The following GLDC variants were observed in gnomAD, a reference collection of about 807,000 sequenced individuals.
GLDC encodes glycine dehydrogenase (decarboxylating), mitochondrial.
GLDC carries 104 observed loss-of-function variants against 121.3 expected under a neutral mutation model. The ratio of observed to expected loss-of-function variants is 0.86; its 90% CI spans 0.73 to 1.01. The LOEUF (loss-of-function observed/expected upper bound fraction) is 1.01, where lower values mean the gene tolerates loss of function less well. GLDC is among the 50% of genes least tolerant of loss of function. The probability of loss-of-function intolerance (pLI) is 0.00; values close to 1 mark genes in which losing one functional copy is unlikely to be tolerated. For missense variants in GLDC, 1,429 were observed against 1,306.6 expected (o/e 1.09, Z -1.44); for synonymous variants, 546 against 480.6 (o/e 1.14, Z -1.78).
At chr9:6,557,255 A>G (rs1401254791) in intron 17 of GLDC, among the ~76,000 whole-genome samples, 1 of 152,242 alleles carries the variant, frequency 6.6e-6, no homozygotes, top group African/African-American at 2.4e-5. Context: ...GTATAGAAAC[A>G]TCACTATATA....
rs1487048876 is a variant in GLDC at position 6,540,011 on chromosome 9, G to A, written c.2665+40C>T. ...TTTGTGCTTTAGGAAGTGGTCCACA[G>A]CCAGCATGGGCGGCGGCATGAATGT... is the stretch of plus-strand genomic sequence containing the variant. On this transcript the variant is annotated intron_variant, in intron 22 of 24. Transcript: ENST00000321612. The A allele has an allele frequency of 3.9e-6, 5 of 1,273,272 alleles. No homozygotes were observed. In the Admixed American group the frequency reaches 5.0e-5, roughly 13 times the overall value. 78.9% of individuals were successfully genotyped at this position (1,273,272 alleles called of 1,614,324 possible).
chr9:6,567,250 G>A (rs1052172017), intron 15 of GLDC: 58 of 152,316 alleles, frequency 3.8e-4, no homozygotes, highest in African/African-American at 1.4e-3. Flanking sequence ...CTTCCAAGAA[G>A]AAAGGCAAAG....
At chr9:6,577,954 A>T (rs990138073) in intron 15 of GLDC, among the ~76,000 whole-genome samples, 1 of 151,858 alleles carries the variant, frequency 6.6e-6, no homozygotes, top group South Asian at 2.1e-4. Flanking sequence ...AAACAGGGTC[A>T]ACCAGGCTGG....
intron 15 of GLDC, among the ~76,000 whole-genome samples, chr9:6,570,230 T>C (rs1262649436): frequency 2.0e-5 from 3 of 152,210 alleles, no homozygotes; most frequent in Non-Finnish European, 4.4e-5. Context: ...AGTATTTGTG[T>C]TCTCAAATAG....
chr9:6,541,072 A>AT (rs1193012544), intron 21 of GLDC: 2 of 152,198 alleles, frequency 1.3e-5, no homozygotes, highest in African/African-American at 4.8e-5. Flanking sequence ...AGCCTGGGTA[A>AT]TAGGGGCAAG....
At position 6,565,336 on chromosome 9, in the gene GLDC, A is replaced by G; in HGVS notation, c.1926+18T>C. 1.3e-6 allele frequency: 2 copies of G among 1,591,982 alleles called. No homozygotes were observed. The highest frequency in any genetic ancestry group is 1.7e-6 in the Non-Finnish European group (2 of 1,160,022). ...CTGTGCCCCATGGTGAGCAAGCGCC[A>G]CCTCCTGCCATACTCACCGTTCTGT... On this transcript the variant is annotated intron_variant, in intron 16 of 24. Coordinates refer to ENST00000321612, the MANE Select transcript of GLDC (RefSeq NM_000170.3).
intron 2 of GLDC, among the ~76,000 whole-genome samples, chr9:6,629,065 T>C (rs1304228516): frequency 6.6e-6 from 1 of 151,832 alleles, no homozygotes; most frequent in Non-Finnish European, 1.5e-5. Flanking sequence ...TCTCAGAATT[T>C]AGAATGAATG....
At chr9:6,643,877 T>C (rs1819678559) in intron 2 of GLDC, among the ~76,000 whole-genome samples, 1 of 150,350 alleles carries the variant, frequency 6.7e-6, no homozygotes, top group African/African-American at 2.4e-5. Flanking sequence ...CTAATAAAAA[T>C]ATAAAAATGA....
At chr9:6,613,967 G>C (rs891581286) in intron 3 of GLDC, among the ~76,000 whole-genome samples, 3 of 152,070 alleles carry the variant, frequency 2.0e-5, no homozygotes, top group Admixed American at 6.6e-5. Flanking sequence ...AGTTGAGATA[G>C]GGTTTCACCA....
At chr9:6,556,371 C>A in intron 17 of GLDC, 69 bp from the exon 18 acceptor site, 4 of 1,294,186 alleles carry the variant, frequency 3.1e-6, no homozygotes, top group Non-Finnish European at 4.5e-6. Context: ...AAATCCTCGC[C>A]TTTCATTTTA....
intron 22 of GLDC, 96 bp downstream of exon 22, chr9:6,539,955 G>A: frequency 2.4e-6 from 2 of 843,002 alleles, no homozygotes; most frequent in Middle Eastern, 3.4e-4. Flanking sequence ...TTATCCCCCA[G>A]ATCAGTTTAC....
chr9:6,536,097 C>T lies in GLDC; in HGVS notation c.2805G>A (p.Glu935=). The T allele has an allele frequency of 6.2e-7, 1 of 1,614,118 alleles. No individual in the cohort carries two copies. Residue 935 remains glutamate, a synonymous_variant, in exon 23 of 25, where the codon GAG becomes GAA. Coordinates refer to ENST00000321612, the MANE Select transcript of GLDC (RefSeq NM_000170.3). ...SIRQEIADIE[E]GRIDPRVNPL... is the part of the protein sequence containing the mutation. ...GATTGACCCTGGGGTCGATGCGGCC[C>T]TCCTCAATGTCAGCAATTTCCTGCC...
chr9:6,594,928 T>A, intron 9 of GLDC, 86 bp downstream of exon 9: 1 of 825,504 alleles, frequency 1.2e-6, no homozygotes, highest in Non-Finnish European at 2.1e-6. Flanking sequence ...ATTTTGCATA[T>A]AGTATTGGAC....
chr9:6,539,848 A>G (rs527751556), intron 22 of GLDC, among the ~76,000 whole-genome samples: 2 of 152,340 alleles, frequency 1.3e-5, no homozygotes, highest in Non-Finnish European at 2.9e-5. Flanking sequence ...TTCAAGATGC[A>G]TATTTTAATA....
In GLDC at chr9:6,540,049, A is replaced by C; in HGVS notation, c.2665+2T>G. 6.3e-7 allele frequency: 1 copy of C among 1,593,098 alleles called. No individual in the cohort carries two copies. Among genetic ancestry groups the C allele is most frequent in the Non-Finnish European group, 8.6e-7 (1 of 1,161,206 alleles). ...GCGGCATGAATGTCAAAAGCCACTT[A>C]CCATAATCCTGGAGTCTCTTGGCCA... On this transcript the variant is annotated splice_donor_variant, in intron 22 of 24. Transcript: ENST00000321612. LOFTEE classifies it high-confidence loss of function.
At chr9:6,629,437 A>C (rs1819315781) in intron 2 of GLDC, among the ~76,000 whole-genome samples, 1 of 151,332 alleles carries the variant, frequency 6.6e-6, no homozygotes, top group Non-Finnish European at 1.5e-5. Context: ...CTGGTCTTGA[A>C]CTCCTGACCT....
chr9:6,639,245 CAA>C, intron 2 of GLDC: 3 of 877,240 alleles, frequency 3.4e-6, no homozygotes, highest in South Asian at 1.3e-5. Context: ...TCCACAGCCA[CAA>C]AAAAAAAGAA....
rs762785501 is a variant in GLDC at position 6,645,218 on chromosome 9, C to G, written c.255+27G>C. ...AGCCCGGGCAGGGCGGAGGGGAGGC[C>G]GCGGAGGGCCGGGTGGAGGTCCTTA... On this transcript the variant is annotated intron_variant, in intron 1 of 24. Transcript: ENST00000321612. 6 of 1,559,390 alleles carry G rather than the reference C, an allele frequency of 3.8e-6. No homozygotes were observed. The South Asian group carries it at 7.1e-5, about 18-fold the overall frequency.
intron 3 of GLDC, among the ~76,000 whole-genome samples, chr9:6,619,307 T>C (rs577910187): frequency 1.3e-5 from 2 of 152,272 alleles, no homozygotes; most frequent in South Asian, 4.1e-4. Flanking sequence ...TCTCTTTCTC[T>C]AGAAAGTGCT....
Sources: gnomAD v4.1 joint callset for allele counts (sites outside exome capture counted in the v4.1 genomes callset) on GRCh38, gnomAD v4.1.1 for gene constraint, MANE v1.5 for transcripts, NCBI Gene and HGNC (gene_info 2026-07-23, HGNC 2026-07-21) for gene names.